NDST1: variants seen among roughly 807,000 people sequenced by gnomAD.
NDST1 encodes the protein N-deacetylase and N-sulfotransferase 1.
Under a neutral mutation model 92.8 loss-of-function variants are expected in NDST1, and 35 were observed. The ratio of observed to expected loss-of-function variants is 0.38; its 90% CI spans 0.29 to 0.50. NDST1 has a LOEUF of 0.50. Among genes scored for constraint, NDST1 ranks in the 20% least tolerant of loss-of-function variants. The pLI is 0.94. For missense variants in NDST1, 822 were observed against 1,182.7 expected (o/e 0.69, Z 4.47); for synonymous variants, 493 against 500.3 (o/e 0.99, Z 0.19).
chr5:150,533,107 C>A (rs989884984), intron 4 of NDST1, 75 bp downstream of exon 4: 19 of 1,429,604 alleles, frequency 1.3e-5, no homozygotes, highest in African/African-American at 2.8e-5. Flanking sequence ...AGCACCCATC[C>A]ATGAGGGCAG....
intron 1 of NDST1, among the ~76,000 whole-genome samples, chr5:150,515,586 G>A (rs951954424): frequency 6.6e-5 from 10 of 152,174 alleles, no homozygotes; most frequent in African/African-American, 2.4e-4. Context: ...CAAGGGGTCC[G>A]GGGAGGCATT....
intron 2 of NDST1, among the ~76,000 whole-genome samples, chr5:150,525,078 G>A (rs943742636): frequency 3.3e-5 from 5 of 152,158 alleles, no homozygotes; most frequent in Non-Finnish European, 5.9e-5. Context: ...CCCGAATCAG[G>A]GCTCCTCCTC....
At chr5:150,511,539 G>A (rs567293444) in intron 1 of NDST1, among the ~76,000 whole-genome samples, 7 of 152,174 alleles carry the variant, frequency 4.6e-5, no homozygotes, top group Non-Finnish European at 4.4e-5. Flanking sequence ...CACACCAGAC[G>A]GCACAAGCCA....
upstream of NDST1, among the ~76,000 whole-genome samples, chr5:150,503,595 AT>A (rs1189318736): frequency 1.3e-5 from 2 of 152,154 alleles, no homozygotes; most frequent in African/African-American, 4.8e-5. Flanking sequence ...GTGGGAGGTT[AT>A]TGAATAGGAG....
rs4958646 is a variant in NDST1, at chr5:150,539,187, C to A, written c.1438-41C>A. ...GAAGAGTCCTCCCACCACCCTCATG[C>A]CAGAAGGCACCATAGCTCCTCTCCC... On this transcript the variant is annotated intron_variant, in intron 6 of 14. Transcript: ENST00000261797. 2.3e-3 allele frequency: 3,558 copies of A among 1,537,614 alleles called. 96 individuals are homozygous for A. The Admixed American group carries it at 0.044, about 19-fold the overall frequency.
intron 7 of NDST1, chr5:150,539,771 C>T (rs1191801070): frequency 1.0e-6 from 1 of 985,222 alleles, no homozygotes; most frequent in East Asian, 1.1e-4. Context: ...GGTTGTTATT[C>T]AGCTCTGTGG....
At chr5:150,536,172 C>T (rs1754977471) in intron 6 of NDST1, among the ~76,000 whole-genome samples, 1 of 152,158 alleles carries the variant, frequency 6.6e-6, no homozygotes. Context: ...GGCTCTGTTA[C>T]AGTCTTTTTG....
intron 13 of NDST1, 98 bp downstream of exon 13, chr5:150,549,885 GT>G: frequency 2.6e-6 from 2 of 760,896 alleles, no homozygotes; most frequent in Non-Finnish European, 4.7e-6. Flanking sequence ...AGAGAAGTTA[GT>G]TAGAGTCAGA....
Position 150,541,492 on chromosome 5 carries a change from G to A in NDST1, c.1750-78G>A, listed in dbSNP as rs984066658. ...GTATCATGCCCATTGGGCTGTAAGG[G>A]CCACATATCCATGTGCAGTGGGAGT... is the stretch of plus-strand genomic sequence containing the variant. On this transcript the variant is annotated intron_variant, in intron 8 of 14. Transcript: ENST00000261797. 19 of 1,274,108 alleles carry A rather than the reference G, an allele frequency of 1.5e-5. No individual in the cohort carries two copies. The African/African-American group carries it at 2.5e-4, about 17-fold the overall frequency. The allele number at this position is 1,274,108 out of a possible 1,614,324, so 78.9% of individuals were successfully genotyped here.
At chr5:150,535,607 C>G (rs1754948493) in intron 5 of NDST1, 93 bp from the exon 6 acceptor site, 1 of 1,487,946 alleles carries the variant, frequency 6.7e-7, no homozygotes, top group Non-Finnish European at 9.4e-7. Flanking sequence ...CCGACCTAAC[C>G]TCTGATTTCT....
chr5:150,503,644 G>T (rs894704488), upstream of NDST1, among the ~76,000 whole-genome samples: 1 of 152,140 alleles, frequency 6.6e-6, no homozygotes, highest in Non-Finnish European at 1.5e-5. Context: ...AGCTGTGAGT[G>T]TGGAGACTTG....
chr5:150,527,560 T>C (rs1038641898), intron 2 of NDST1, among the ~76,000 whole-genome samples: 7 of 152,320 alleles, frequency 4.6e-5, no homozygotes, highest in African/African-American at 7.2e-5. Flanking sequence ...TCTGGGGTCA[T>C]TGGAGGATTA....
intron 2 of NDST1, among the ~76,000 whole-genome samples, chr5:150,527,245 T>G (rs1460737346): frequency 6.6e-6 from 1 of 152,230 alleles, no homozygotes; most frequent in Admixed American, 6.5e-5. Flanking sequence ...TTTTCACACC[T>G]GTGAAGTGGG....
rs1755429876 is a variant in NDST1, at chr5:150,545,261, C to T, written c.1971-51C>T. ...TCGCCCTTGTGCTGCATTCCCTTAG[C>T]CCCCTCCTCATGAGTTTTGTCTGTG... is the stretch of plus-strand genomic sequence containing the variant. On this transcript the variant is annotated intron_variant, in intron 10 of 14. Coordinates refer to ENST00000261797, the MANE Select transcript of NDST1 (RefSeq NM_001543.5). The T allele has an allele frequency of 2.5e-6, 4 of 1,603,358 alleles. No individual in the cohort carries two copies. The African/African-American group carries it at 4.0e-5, about 16-fold the overall frequency.
chr5:150,537,141 A>G (rs1310279467), intron 6 of NDST1, among the ~76,000 whole-genome samples: 1 of 152,272 alleles, frequency 6.6e-6, no homozygotes. Context: ...TAATCCCGTC[A>G]TCTTCATAAG....
In NDST1 at chr5:150,553,475, G is replaced by A. The variant is rs1755805133; in HGVS notation, c.*143G>A. 1 of 1,220,552 alleles carries A rather than the reference G, an allele frequency of 8.2e-7. No homozygotes were observed. Among genetic ancestry groups the A allele is most frequent in the South Asian group, 1.2e-5 (1 of 83,138 alleles). The allele number at this position is 1,220,552 out of a possible 1,614,324, so 75.6% of individuals were successfully genotyped here. A position where few individuals can be genotyped will look rare whatever the true frequency, so the allele number is the denominator to read the frequency against. The stretch of plus-strand genomic sequence containing the variant: ...CTCTGTGGAGGTCTGGTGGGGCTGG[G>A]GGAGCACCCAGGCGGATCTGCAAGC... On this transcript the variant is annotated 3_prime_UTR_variant, in exon 15 of 15. Transcript: ENST00000261797. This position sits in a 1 kb window ranked among gnomAD's most constrained non-coding sequence, Gnocchi z 4.2.
chr5:150,525,437 C>T (rs1341790691), intron 2 of NDST1, among the ~76,000 whole-genome samples: 8 of 152,178 alleles, frequency 5.3e-5, no homozygotes, highest in Non-Finnish European at 1.2e-4. Flanking sequence ...ATGTCTCTGG[C>T]CCCTACCGCT....
At position 150,521,755 on chromosome 5, in the gene NDST1, T is replaced by C; in HGVS notation, c.501T>C (p.Ile167=). 6.2e-7 allele frequency: 1 copy of C among 1,613,664 alleles called. No homozygotes were observed. Among genetic ancestry groups the C allele is most frequent in the Non-Finnish European group, 8.5e-7 (1 of 1,180,032 alleles). ...GTGTGGCCTACGGCGTGGGCATCAT[T>C]GGCTTCTTCAAGGTACACAAGAAGC... ...KYCVAYGVGI[I]GFFKANENSL... The change falls in exon 2 of 15, where the codon ATT becomes ATC. Residue 167 remains isoleucine, a synonymous_variant. Coordinates refer to ENST00000261797, the MANE Select transcript of NDST1 (RefSeq NM_001543.5). The surrounding 1 kb of genome is among the most constrained non-coding windows in gnomAD (Gnocchi z 5.9).
intron 7 of NDST1, chr5:150,539,792 C>G (rs755233110): frequency 8.1e-6 from 8 of 984,950 alleles, no homozygotes; most frequent in Non-Finnish European, 9.6e-6. Flanking sequence ...GCTGAGTACT[C>G]TTTATCTTCC....
Sources: gnomAD v4.1 joint callset for allele counts (sites outside exome capture counted in the v4.1 genomes callset) on GRCh38, gnomAD v4.1.1 for gene constraint, Gnocchi (gnomAD v3.1) non-coding constraint, MANE v1.5 for transcripts, NCBI Gene and HGNC (gene_info 2026-07-23, HGNC 2026-07-21) for gene names.